The following CTNNA2 variants were observed in gnomAD, a reference collection of about 807,000 sequenced individuals.
The protein encoded by CTNNA2 is catenin alpha 2.
A neutral mutation model predicts 101.0 loss-of-function variants in CTNNA2; 42 were observed. The observed-to-expected ratio is 0.42, with a 90% CI of 0.32 to 0.54. The LOEUF (loss-of-function observed/expected upper bound fraction) is 0.54, where lower values mean the gene tolerates loss of function less well. Ranked by LOEUF, CTNNA2 falls within the 20% of genes least tolerant of loss-of-function variation. The pLI is 0.14. For synonymous variants in CTNNA2, 450 were observed against 456.4 expected (o/e 0.99, Z 0.18); for missense variants, 871 against 1,223.1 (o/e 0.71, Z 4.29).
chr2:79,873,693 G>A (rs919933152), intron 5 of CTNNA2, among the ~76,000 whole-genome samples: 4 of 152,046 alleles, frequency 2.6e-5, no homozygotes, highest in Non-Finnish European at 5.9e-5. Flanking sequence ...GAGGCCAGGA[G>A]TTCAAGGCCC....
intron 7 of CTNNA2, among the ~76,000 whole-genome samples, chr2:80,096,417 C>G (rs2148830069): frequency 6.6e-6 from 1 of 152,280 alleles, no homozygotes; most frequent in Admixed American, 6.5e-5. Context: ...GAGTGCTTTA[C>G]TTCCAACTAT....
In CTNNA2 at chr2:80,595,586, G is replaced by A. The variant is rs560068028; in HGVS notation, c.2189+6101G>A. Among the ~76,000 whole-genome samples, 81 of 152,300 alleles carry A rather than the reference G, an allele frequency of 5.3e-4. No individual in the cohort carries two copies. The South Asian group carries it at 0.013, about 25-fold the overall frequency. On this transcript the variant is annotated intron_variant, in intron 15 of 18. Coordinates refer to ENST00000402739, the MANE Select transcript of CTNNA2 (RefSeq NM_001282597.3). ...TAAAGCTTTTATTATTCACCATTGA[G>A]TATGAATAAAGTAAGCTGTGGGTTT...
intron 9 of CTNNA2, among the ~76,000 whole-genome samples, chr2:80,455,255 A>C (rs901092642): frequency 2.0e-5 from 3 of 152,224 alleles, no homozygotes; most frequent in African/African-American, 7.2e-5. Context: ...AAAGCTTGTC[A>C]CATAAGTCTG....
chr2:80,375,807 C>T, intron 7 of CTNNA2, among the ~76,000 whole-genome samples: 1 of 151,912 alleles, frequency 6.6e-6, no homozygotes, highest in Non-Finnish European at 1.5e-5. Flanking sequence ...TCATGATTCA[C>T]CCGCCTCGGC....
intron 2 of CTNNA2, among the ~76,000 whole-genome samples, chr2:79,312,014 C>A (rs112022493): frequency 0.01 from 1,576 of 152,024 alleles, 18 homozygotes; most frequent in Non-Finnish European, 0.018. Flanking sequence ...GATCCTTCTG[C>A]TTTTCAGCCT....
chr2:79,874,437 A>C, intron 6 of CTNNA2, 95 bp downstream of exon 6: 1 of 1,421,402 alleles, frequency 7.0e-7, no homozygotes, highest in South Asian at 1.3e-5. Context: ...AATAATTTAC[A>C]TTGATTTTTC....
intron 1 of CTNNA2, among the ~76,000 whole-genome samples, chr2:79,609,531 G>A (rs1678128507): frequency 1.3e-5 from 2 of 152,014 alleles, no homozygotes; most frequent in Admixed American, 1.3e-4. Flanking sequence ...AGGACTAACA[G>A]TATGTGACTC....
At chr2:80,395,207 G>A (rs889946980) in intron 8 of CTNNA2, among the ~76,000 whole-genome samples, 15 of 152,184 alleles carry the variant, frequency 9.9e-5, no homozygotes, top group African/African-American at 3.6e-4. Context: ...AGAGCTTCCT[G>A]TAAGATGGCA....
At position 80,532,206 on chromosome 2, in the gene CTNNA2, C is replaced by G. The variant is rs543806961; in HGVS notation, c.1291-12776C>G. Among the ~76,000 whole-genome samples the G allele has an allele frequency of 2.0e-3, 302 of 152,268 alleles. 1 individual carries two copies. The highest frequency in any genetic ancestry group is 7.1e-3 in the African/African-American group (296 of 41,564). ...ATTTCAACAGTATATGGTAGTCCCC[C>G]CTTATCCATAGTTTTGCTTTCTGGA... On this transcript the variant is annotated intron_variant, in intron 9 of 18. Coordinates refer to ENST00000402739, the MANE Select transcript of CTNNA2 (RefSeq NM_001282597.3).
At chr2:79,210,876 C>G (rs1674162680) in intron 2 of CTNNA2, among the ~76,000 whole-genome samples, 1 of 152,120 alleles carries the variant, frequency 6.6e-6, no homozygotes, top group Non-Finnish European at 1.5e-5. Flanking sequence ...AAATTTTCTT[C>G]CCTCCAGTAC....
chr2:79,198,986 T>A (rs1673998197), intron 2 of CTNNA2, among the ~76,000 whole-genome samples: 1 of 152,182 alleles, frequency 6.6e-6, no homozygotes. Context: ...TTGCAATGAG[T>A]ATACAAATGG....
At chr2:79,951,186 T>C (rs1688854388) in intron 7 of CTNNA2, among the ~76,000 whole-genome samples, 1 of 152,192 alleles carries the variant, frequency 6.6e-6, no homozygotes, top group African/African-American at 2.4e-5. Context: ...TATTATCCAT[T>C]CTCCTGCAAT....
chr2:80,000,857 GC>G (rs1368775949), intron 7 of CTNNA2, among the ~76,000 whole-genome samples: 2 of 152,148 alleles, frequency 1.3e-5, no homozygotes, highest in African/African-American at 4.8e-5. Context: ...AGGCCAACAA[GC>G]GGGGAAGGGT....
In CTNNA2 at chr2:79,389,512, G is replaced by A. The variant is rs1039821598; in HGVS notation, c.-135+15499G>A. Among the ~76,000 whole-genome samples, 10 of 152,222 alleles carry A rather than the reference G, an allele frequency of 6.6e-5. No homozygotes were observed. The South Asian group carries it at 1.7e-3, about 25-fold the overall frequency. On this transcript the variant is annotated intron_variant, in intron 4 of 21. Transcript: ENST00000466387. ...TTATAAATTTAAAAATATTTGTGCC[G>A]AATCAGTATATGTTTTGTTAATGGT...
intron 7 of CTNNA2, among the ~76,000 whole-genome samples, chr2:80,272,984 C>T (rs1055816075): frequency 1.3e-5 from 2 of 151,998 alleles, no homozygotes; most frequent in African/African-American, 4.8e-5. Context: ...TTTGGGCGTG[C>T]GTGAAAGGTG....
At chr2:79,370,433 C>T (rs4296451) in intron 3 of CTNNA2, among the ~76,000 whole-genome samples, 122,307 of 152,098 alleles carry the variant, frequency 0.8, 49,306 homozygotes, top group Admixed American at 0.82. Context: ...AGGTTGCCCT[C>T]CTTCATTTTC....
chr2:79,416,455 G>A (rs541052621), intron 4 of CTNNA2, among the ~76,000 whole-genome samples: 1 of 151,764 alleles, frequency 6.6e-6, no homozygotes, highest in Admixed American at 6.6e-5. Flanking sequence ...TAACGTCTCT[G>A]CAGCATCACT....
At chr2:80,384,577 TG>T (rs1368524667) in intron 7 of CTNNA2, among the ~76,000 whole-genome samples, 1 of 141,562 alleles carries the variant, frequency 7.1e-6, no homozygotes, top group African/African-American at 2.6e-5. Context: ...AAGGATGCTG[TG>T]GCATTCGAGA....
At chr2:79,254,108 T>C (rs1015310437) in intron 2 of CTNNA2, among the ~76,000 whole-genome samples, 5 of 152,138 alleles carry the variant, frequency 3.3e-5, no homozygotes, top group Admixed American at 6.6e-5. Flanking sequence ...TGCTCAAGAT[T>C]TATTTGGGGA....
Sources: gnomAD v4.1 joint callset for allele counts (sites outside exome capture counted in the v4.1 genomes callset) on GRCh38, gnomAD v4.1.1 for gene constraint, MANE v1.5 for transcripts, NCBI Gene and HGNC (gene_info 2026-07-23, HGNC 2026-07-21) for gene names.